Variants in HS3ST1 observed in about 807,000 individuals in gnomAD.
HS3ST1 encodes heparan sulfate-glucosamine 3-sulfotransferase 1.
Under a neutral mutation model 20.7 loss-of-function variants are expected in HS3ST1, and 8 were observed. That is an observed-to-expected ratio of 0.39 (90% confidence interval 0.23 to 0.70). HS3ST1 has a LOEUF of 0.70. Among genes scored for constraint, HS3ST1 ranks in the 30% least tolerant of loss-of-function variants. The pLI is 0.46. For missense variants in HS3ST1, 436 were observed against 423.4 expected (o/e 1.03, Z -0.26); for synonymous variants, 205 against 190.4 (o/e 1.08, Z -0.63).
chr4:11,403,128 CAT>C lies in HS3ST1; in HGVS notation c.-108-3017_-108-3016del, dbSNP rs570897634. On this transcript the variant is annotated intron_variant, in intron 1 of 1. Coordinates refer to ENST00000002596, the MANE Select transcript of HS3ST1 (RefSeq NM_005114.4). ...CACATACTATATATAGCATATATATCATGTGTATACCCCATGTGTATCTTTTA... is the reference window on the plus strand; with the variant it reads ...CACATACTATATATAGCATATATATCGTGTATACCCCATGTGTATCTTTTA... Among the ~76,000 whole-genome samples the C allele has an allele frequency of 3.2e-3, 491 of 152,244 alleles. 3 individuals carry two copies. Among genetic ancestry groups the C allele is most frequent in the African/African-American group, 0.011 (451 of 41,532 alleles).
intron 1 of HS3ST1, among the ~76,000 whole-genome samples, chr4:11,419,419 G>A (rs1399329060): frequency 1.3e-5 from 2 of 152,162 alleles, no homozygotes; most frequent in Non-Finnish European, 2.9e-5. Flanking sequence ...CTAAGTGGGA[G>A]TTGAACAATG....
At chr4:11,410,385 A>T (rs534605122) in intron 1 of HS3ST1, among the ~76,000 whole-genome samples, 17 of 152,288 alleles carry the variant, frequency 1.1e-4, no homozygotes, top group African/African-American at 4.1e-4. Flanking sequence ...TTCGAACACA[A>T]TCTTGGAGAA....
chr4:11,434,133 CA>C (rs1021386866), upstream of HS3ST1, among the ~76,000 whole-genome samples: 1 of 152,174 alleles, frequency 6.6e-6, no homozygotes, highest in African/African-American at 2.4e-5. Flanking sequence ...GTCTCTTACA[CA>C]ATGGTAGAGT....
At chr4:11,413,674 G>A (rs1159569859) in intron 1 of HS3ST1, among the ~76,000 whole-genome samples, 1 of 152,074 alleles carries the variant, frequency 6.6e-6, no homozygotes, top group African/African-American at 2.4e-5. Context: ...CAATAGGAGA[G>A]AAGGTACAAA....
intron 1 of HS3ST1, among the ~76,000 whole-genome samples, chr4:11,413,030 A>G (rs1018580478): frequency 2.0e-5 from 3 of 152,084 alleles, no homozygotes; most frequent in African/African-American, 4.8e-5. Context: ...AGGGGCTGCA[A>G]CCCAGAAGAG....
At chr4:11,424,977 C>T (rs915042362) in intron 1 of HS3ST1, among the ~76,000 whole-genome samples, 44 of 151,960 alleles carry the variant, frequency 2.9e-4, no homozygotes, top group Admixed American at 2.7e-3. Context: ...ACTACAAGCA[C>T]GACTGTAGAG....
chr4:11,411,853 G>A (rs1718646005), intron 1 of HS3ST1, among the ~76,000 whole-genome samples: 1 of 152,204 alleles, frequency 6.6e-6, no homozygotes, highest in Non-Finnish European at 1.5e-5. Context: ...TGGTGATTAA[G>A]GGCCTGGGTT....
intron 1 of HS3ST1, among the ~76,000 whole-genome samples, chr4:11,413,574 A>C (rs1718691802): frequency 6.6e-6 from 1 of 152,182 alleles, no homozygotes; most frequent in Non-Finnish European, 1.5e-5. Flanking sequence ...TGCATCAGGC[A>C]CTAAGAAATT....
intron 1 of HS3ST1, among the ~76,000 whole-genome samples, chr4:11,406,097 A>G (rs1718456503): frequency 6.6e-6 from 1 of 152,186 alleles, no homozygotes; most frequent in South Asian, 2.1e-4. Context: ...TACAACCACA[A>G]TTCACTTATG....
intron 1 of HS3ST1, among the ~76,000 whole-genome samples, chr4:11,402,897 T>C (rs1718363532): frequency 6.6e-6 from 1 of 152,236 alleles, no homozygotes; most frequent in Admixed American, 6.5e-5. Flanking sequence ...TAAATATAGT[T>C]TGTCCTTTAT....
At chr4:11,411,419 C>A (rs1479093843) in intron 1 of HS3ST1, among the ~76,000 whole-genome samples, 3 of 152,200 alleles carry the variant, frequency 2.0e-5, no homozygotes, top group Non-Finnish European at 2.9e-5. Flanking sequence ...TTTAAAGTGT[C>A]ATTCAAGTTG....
At chr4:11,404,811 A>G (rs1168803384) in intron 1 of HS3ST1, among the ~76,000 whole-genome samples, 1 of 152,264 alleles carries the variant, frequency 6.6e-6, no homozygotes, top group African/African-American at 2.4e-5. Context: ...TGCAGCTCCC[A>G]TCTGCAGCAA....
intron 1 of HS3ST1, among the ~76,000 whole-genome samples, chr4:11,403,396 T>C (rs529759199): frequency 6.6e-5 from 10 of 152,170 alleles, no homozygotes; most frequent in Non-Finnish European, 1.2e-4. Flanking sequence ...GGTGAACCTG[T>C]AAGCCATTCC....
intron 1 of HS3ST1, among the ~76,000 whole-genome samples, chr4:11,418,898 A>G (rs1718854762): frequency 1.3e-5 from 2 of 152,076 alleles, no homozygotes; most frequent in Admixed American, 1.3e-4. Flanking sequence ...TATGCTTTCT[A>G]GTTGGAACAC....
Position 11,400,031 on chromosome 4 carries a change from G to C in HS3ST1, c.-26C>G. The C allele has an allele frequency of 6.8e-7, 1 of 1,468,746 alleles. No homozygotes were observed. Among genetic ancestry groups the C allele is most frequent in the Non-Finnish European group, 9.0e-7 (1 of 1,113,308 alleles). 91.0% of individuals were successfully genotyped at this position (1,468,746 alleles called of 1,614,324 possible). On this transcript the variant is annotated 5_prime_UTR_variant, in exon 2 of 2. Coordinates refer to ENST00000002596, the MANE Select transcript of HS3ST1 (RefSeq NM_005114.4). ...GCTGGACACCACGGTGGCTTCACTG[G>C]GCCGCGCGCCGCTGGGTCATGAAGT...
chr4:11,395,881 C>T lies in HS3ST1; in HGVS notation c.*3201G>A, dbSNP rs372807203. The T allele has an allele frequency of 2.0e-5, 3 of 152,232 alleles. No homozygotes were observed. The highest frequency in any genetic ancestry group is 7.2e-5 in the African/African-American group (3 of 41,424). 9.4% of individuals were successfully genotyped at this position (152,232 alleles called of 1,614,324 possible). On this transcript the variant is annotated 3_prime_UTR_variant, in exon 2 of 2. Transcript: ENST00000002596. ...TGCCAAACCATGGAACACATTCCCC[C>T]ACCCATTCTATACACAGCTAAATGT... is the stretch of plus-strand genomic sequence containing the variant.
At chr4:11,400,439 T>A (rs1160978898) in intron 1 of HS3ST1, among the ~76,000 whole-genome samples, 1 of 152,182 alleles carries the variant, frequency 6.6e-6, no homozygotes, top group Non-Finnish European at 1.5e-5. Flanking sequence ...TTCATATAAT[T>A]TTCACGTGTC....
chr4:11,426,368 C>CA (rs1553858484), intron 1 of HS3ST1, among the ~76,000 whole-genome samples: 1 of 151,402 alleles, frequency 6.6e-6, no homozygotes, highest in Admixed American at 6.6e-5. Context: ...CAGAGGCCCC[C>CA]CCCCCAACCC....
At position 11,393,187 on chromosome 4, in the gene HS3ST1, A is replaced by G. The variant is rs771857032; in HGVS notation, c.*5895T>C. 7.9e-5 allele frequency: 12 copies of G among 152,374 alleles called. No individual in the cohort carries two copies. The highest frequency in any genetic ancestry group is 3.4e-3 in the Middle Eastern group (1 of 294). The allele number at this position is 152,374 out of a possible 1,614,324, so 9.4% of individuals were successfully genotyped here. ...GGAATATTTATCAAACAATAGAAATACAAGATGTTGCTACATAAGATGGAG... is the reference window on the plus strand; with the variant it reads ...GGAATATTTATCAAACAATAGAAATGCAAGATGTTGCTACATAAGATGGAG... On this transcript the variant is annotated 3_prime_UTR_variant, in exon 2 of 2. Coordinates refer to ENST00000002596, the MANE Select transcript of HS3ST1 (RefSeq NM_005114.4).
Sources: gnomAD v4.1 joint callset for allele counts (sites outside exome capture counted in the v4.1 genomes callset) on GRCh38, gnomAD v4.1.1 for gene constraint, MANE v1.5 for transcripts, NCBI Gene and HGNC (gene_info 2026-07-23, HGNC 2026-07-21) for gene names.